The following NHLH2 variants were observed in gnomAD, a reference collection of about 807,000 sequenced individuals.
The protein encoded by NHLH2 is nescient helix-loop-helix 2, also known as helix-loop-helix protein 2.
A neutral mutation model predicts 7.3 loss-of-function variants in NHLH2; 7 were observed. That is an observed-to-expected ratio of 0.96 (90% CI 0.55 to 1.81). NHLH2 has a LOEUF of 1.81. Among genes scored for constraint, NHLH2 ranks in the 40% most tolerant of loss-of-function variants. The probability of loss-of-function intolerance (pLI) is 0.00; values close to 1 mark genes in which losing one functional copy is unlikely to be tolerated. For missense variants in NHLH2, 155 were observed against 194.0 expected (o/e 0.80, Z 1.19); for synonymous variants, 93 against 91.6 (o/e 1.01, Z -0.09).
In NHLH2 at chr1:115,836,424, G is replaced by C. The variant is rs1300253844; in HGVS notation, c.*1541C>G. The C allele has an allele frequency of 6.6e-6, 1 of 152,436 alleles. No individual in the cohort carries two copies. The highest frequency in any genetic ancestry group is 1.5e-5 in the Non-Finnish European group (1 of 67,992). The allele number at this position is 152,436 out of a possible 1,614,324, so 9.4% of individuals were successfully genotyped here. On this transcript the variant is annotated 3_prime_UTR_variant, in exon 3 of 3. Coordinates refer to ENST00000320238, the MANE Select transcript of NHLH2 (RefSeq NM_005599.3). ...ATGCAAAACAGCGCACCATTCATGA[G>C]ATATGAAAAACTCGTCAGATAGAAA...
chr1:115,832,127 T>C (rs1018581599), downstream of NHLH2, among the ~76,000 whole-genome samples: 7 of 152,082 alleles, frequency 4.6e-5, no homozygotes, highest in Non-Finnish European at 8.8e-5. Context: ...TCTGCTATAG[T>C]GCTTATCACA....
chr1:115,839,923 G>A (rs756142851), intron 2 of NHLH2: 23 of 167,138 alleles, frequency 1.4e-4, no homozygotes, highest in African/African-American at 5.3e-4. Context: ...GGCTTTTCTC[G>A]GGTACGTTTA....
Position 115,838,066 on chromosome 1 carries a change from A to G in NHLH2, c.307T>C (p.Leu103=). 4 of 1,609,438 alleles carry G rather than the reference A, an allele frequency of 2.5e-6. No individual in the cohort carries two copies. Among genetic ancestry groups the G allele is most frequent in the Non-Finnish European group, 3.4e-6 (4 of 1,178,238 alleles). Residue 103 remains leucine (L), a synonymous_variant, in exon 3 of 3, where the codon TTG becomes CTG. Coordinates refer to ENST00000320238, the MANE Select transcript of NHLH2 (RefSeq NM_005599.3). ...TTGTCCGGGGGCAGCGTGGGCAGCA[A>G]TTTGCGGAGCTCGGCGAAGGCCAAG... is the stretch of plus-strand genomic sequence containing the variant. ...FNLAFAELRK[L]LPTLPPDKKL... is the part of the protein sequence containing the mutation.
chr1:115,838,247 C>G lies in NHLH2; in HGVS notation c.126G>C (p.Glu42Asp). ...LGSVSDLEPV[E>D]EAEGDGKGGS... ...CGCCCTTGCCGTCGCCCTCGGCCTC[C>G]TCCACCGGCTCCAGGTCCGACACGC... Residue 42 changes from glutamate (E) to aspartate (D), a missense_variant, in exon 3 of 3, where the codon GAG (glutamate) becomes GAC (aspartate). Glu to Asp is a conservative substitution (Grantham distance 45). This residue lies in a region of NHLH2 where 91 missense variants were observed against 86.6 expected (regional missense o/e 1.05). Transcript: ENST00000320238. The G allele has an allele frequency of 1.3e-6, 2 of 1,575,582 alleles. No individual in the cohort carries two copies. Among genetic ancestry groups the G allele is most frequent in the Non-Finnish European group, 1.7e-6 (2 of 1,163,454 alleles).
Position 115,838,055 on chromosome 1 carries a change from C to A in NHLH2, c.318G>T (p.Thr106=). ...TGGAGAGCTTCTTGTCCGGGGGCAG[C>A]GTGGGCAGCAATTTGCGGAGCTCGG... ...AFAELRKLLP[T]LPPDKKLSKI... Residue 106 remains threonine, a synonymous_variant, in exon 3 of 3, where the codon ACG becomes ACT. Coordinates refer to ENST00000320238, the MANE Select transcript of NHLH2 (RefSeq NM_005599.3). 1 of 1,609,402 alleles carries A rather than the reference C, an allele frequency of 6.2e-7. No individual in the cohort carries two copies. Among genetic ancestry groups the A allele is most frequent in the Non-Finnish European group, 8.5e-7 (1 of 1,178,196 alleles).
intron 1 of NHLH2, 144 bp downstream of exon 1, chr1:115,840,804 C>G (rs1415410132): frequency 6.2e-6 from 1 of 161,690 alleles, no homozygotes; most frequent in Non-Finnish European, 1.5e-5. Context: ...TTCCCAGGAA[C>G]ACAATACTGT....
chr1:115,831,755 T>TA (rs1650757620), downstream of NHLH2, among the ~76,000 whole-genome samples: 1 of 151,890 alleles, frequency 6.6e-6, no homozygotes, highest in Non-Finnish European at 1.5e-5. Context: ...ACCCCGTCTC[T>TA]ACAAAAAATA....
chr1:115,837,747 C>A lies in NHLH2; in HGVS notation c.*218G>T, dbSNP rs936634288. 3.7e-6 allele frequency: 2 copies of A among 546,984 alleles called. No individual in the cohort carries two copies. Among genetic ancestry groups the A allele is most frequent in the East Asian group, 3.5e-5 (1 of 28,266 alleles). 33.9% of individuals were successfully genotyped at this position (546,984 alleles called of 1,614,324 possible). A position where few individuals can be genotyped will look rare whatever the true frequency, so the allele number is the denominator to read the frequency against. Reference sequence around the variant, plus strand: ...CTGGAAAATCCCCCCTGCGAGCCCCCGGGCTCGCCAGACAACCCCACCTGC... The same window carrying A: ...CTGGAAAATCCCCCCTGCGAGCCCCAGGGCTCGCCAGACAACCCCACCTGC... On this transcript the variant is annotated 3_prime_UTR_variant, in exon 3 of 3. Coordinates refer to ENST00000320238, the MANE Select transcript of NHLH2 (RefSeq NM_005599.3).
rs767077706 is a variant in NHLH2, at chr1:115,837,845, T to C, written c.*120A>G. 1.8e-5 allele frequency: 20 copies of C among 1,095,696 alleles called. No individual in the cohort carries two copies. The highest frequency in any genetic ancestry group is 3.0e-5 in the East Asian group (1 of 33,316). The allele number at this position is 1,095,696 out of a possible 1,614,324, so 67.9% of individuals were successfully genotyped here. A position where few individuals can be genotyped will look rare whatever the true frequency, so the allele number is the denominator to read the frequency against. ...GTAGCGAGCTTCTTCCCCGGCCGTC[T>C]CTCGAGGCGGCCGTCTCGCTGGGCC... is the stretch of plus-strand genomic sequence containing the variant. On this transcript the variant is annotated 3_prime_UTR_variant, in exon 3 of 3. Coordinates refer to ENST00000320238, the MANE Select transcript of NHLH2 (RefSeq NM_005599.3).
intron 2 of NHLH2, chr1:115,838,819 C>G (rs888837955): frequency 1.7e-5 from 3 of 173,510 alleles, no homozygotes; most frequent in African/African-American, 7.2e-5. Flanking sequence ...TGGGTTTTCA[C>G]GGGGGCGGGG....
At chr1:115,838,488 G>T in intron 2 of NHLH2, 108 bp from the exon 3 acceptor site, 2 of 1,318,146 alleles carry the variant, frequency 1.5e-6, no homozygotes, top group East Asian at 2.6e-5. Context: ...GCGCGGCCCG[G>T]GCCCCCTCCC....
downstream of NHLH2, among the ~76,000 whole-genome samples, chr1:115,832,196 T>C (rs1650770268): frequency 1.3e-5 from 2 of 152,230 alleles, no homozygotes; most frequent in Admixed American, 6.5e-5. Flanking sequence ...TGGGCCTTTA[T>C]CATGAGTCGA....
At chr1:115,833,893 G>A (rs1315191409), downstream of NHLH2, among the ~76,000 whole-genome samples, 1 of 152,220 alleles carries the variant, frequency 6.6e-6, no homozygotes. Context: ...GGTAGCCAGA[G>A]ACAGCAGTGA....
rs545856393 is a variant in NHLH2 at position 115,839,610 on chromosome 1, G to T, written c.-9+606C>A. On this transcript the variant is annotated intron_variant, in intron 2 of 2. Coordinates refer to ENST00000320238, the MANE Select transcript of NHLH2 (RefSeq NM_005599.3). Reference sequence around the variant, plus strand: ...GAAAGGGCCCGGCAGGAGGAGAAAGGCCCCTGCAGGGGCTGCACGCACCGC... The same window carrying T: ...GAAAGGGCCCGGCAGGAGGAGAAAGTCCCCTGCAGGGGCTGCACGCACCGC... The T allele has an allele frequency of 3.0e-5, 5 of 166,936 alleles. No homozygotes were observed. The East Asian group carries it at 9.7e-4, about 32-fold the overall frequency. 10.3% of individuals were successfully genotyped at this position (166,936 alleles called of 1,614,324 possible).
chr1:115,837,827 G>A lies in NHLH2; in HGVS notation c.*138C>T. 1.1e-6 allele frequency: 1 copy of A among 917,700 alleles called. No homozygotes were observed. The allele number at this position is 917,700 out of a possible 1,614,324, so 56.8% of individuals were successfully genotyped here. A position where few individuals can be genotyped will look rare whatever the true frequency, so the allele number is the denominator to read the frequency against. On this transcript the variant is annotated 3_prime_UTR_variant, in exon 3 of 3. Transcript: ENST00000320238. ...GCTGACCAGAGAGAACAGGTAGCGAGCTTCTTCCCCGGCCGTCTCTCGAGG... is the reference window on the plus strand; with the variant it reads ...GCTGACCAGAGAGAACAGGTAGCGAACTTCTTCCCCGGCCGTCTCTCGAGG...
intron 2 of NHLH2, chr1:115,839,401 C>T (rs1296316458): frequency 6.0e-6 from 1 of 166,762 alleles, no homozygotes; most frequent in African/African-American, 2.4e-5. Context: ...CTGCAGCTGT[C>T]CCCGGGTGGC....
chr1:115,838,490 C>G, intron 2 of NHLH2, 110 bp from the exon 3 acceptor site: 1 of 1,296,770 alleles, frequency 7.7e-7, no homozygotes, highest in Non-Finnish European at 1.1e-6. Flanking sequence ...GCGGCCCGGG[C>G]CCCCTCCCCA....
chr1:115,833,435 A>C (rs1177048625), downstream of NHLH2, among the ~76,000 whole-genome samples: 2 of 152,124 alleles, frequency 1.3e-5, no homozygotes, highest in Non-Finnish European at 2.9e-5. Flanking sequence ...CATGAGCTGA[A>C]GCTTTCCCTA....
chr1:115,839,898 A>G (rs969738531), intron 2 of NHLH2: 20 of 167,088 alleles, frequency 1.2e-4, no homozygotes, highest in African/African-American at 4.1e-4. Flanking sequence ...AGAGAGCTGC[A>G]TGTGACTCCC....
Sources: gnomAD v4.1 joint callset for allele counts (sites outside exome capture counted in the v4.1 genomes callset) on GRCh38, gnomAD v4.1.1 for gene constraint, gnomAD v4.1.1 regional missense constraint, MANE v1.5 for transcripts, NCBI Gene and HGNC (gene_info 2026-07-23, HGNC 2026-07-21) for gene names.